The following SCAPER variants were observed in gnomAD, a reference collection of about 807,000 sequenced individuals.
The protein encoded by SCAPER is S-phase cyclin A associated protein in the ER.
In SCAPER, 98 loss-of-function variants were observed where a neutral mutation model predicts 182.2. The ratio of observed to expected loss-of-function variants is 0.54; its 90% confidence interval spans 0.46 to 0.64. SCAPER has a LOEUF of 0.64. Among genes scored for constraint, SCAPER ranks in the 30% least tolerant of loss-of-function variants. The pLI, the probability that SCAPER is intolerant of heterozygous loss-of-function variation, is 0.00. For missense variants in SCAPER, 1,432 were observed against 1,690.0 expected (o/e 0.85, Z 2.68); for synonymous variants, 605 against 564.6 (o/e 1.07, Z -1.01).
At chr15:76,638,688 C>T (rs1364366103) in intron 21 of SCAPER, among the ~76,000 whole-genome samples, 1 of 151,982 alleles carries the variant, frequency 6.6e-6, no homozygotes, top group Non-Finnish European at 1.5e-5. Flanking sequence ...TCTTATGTTC[C>T]AATAAATACA....
intron 20 of SCAPER, 150 bp from the exon 21 acceptor site, chr15:76,665,939 G>A (rs906945014): frequency 7.3e-6 from 5 of 688,818 alleles, no homozygotes; most frequent in Admixed American, 7.2e-5. Context: ...TATGGAAAAC[G>A]TTGAAGAAAC....
Position 76,816,418 on chromosome 15 carries a change from G to C in SCAPER, c.394-11785C>G, listed in dbSNP as rs575786778. Among the ~76,000 whole-genome samples the C allele has an allele frequency of 5.9e-5, 9 of 151,702 alleles. No homozygotes were observed. In the East Asian group the frequency reaches 1.6e-3, roughly 26 times the overall value. On this transcript the variant is annotated intron_variant, in intron 5 of 31. Coordinates refer to ENST00000563290, the MANE Select transcript of SCAPER (RefSeq NM_020843.4). ...AGACACGAACACACACATTAGCCTA[G>C]GCCTACCCAGGATCAGGATCTTCCA... is the stretch of plus-strand genomic sequence containing the variant.
rs754216350 is a variant in SCAPER, at chr15:76,857,790, A to T, written c.195+19T>A. The stretch of plus-strand genomic sequence containing the variant: ...TTGAAATTAAAAGTAAATAAGTAAA[A>T]AAGTTATAGATGCTGTACCTGTTTA... On this transcript the variant is annotated intron_variant, in intron 4 of 31. Coordinates refer to ENST00000563290, the MANE Select transcript of SCAPER (RefSeq NM_020843.4). 2 of 1,445,082 alleles carry T rather than the reference A, an allele frequency of 1.4e-6. No homozygotes were observed. Among genetic ancestry groups the T allele is most frequent in the Non-Finnish European group, 9.3e-7 (1 of 1,079,890 alleles). 89.5% of individuals were successfully genotyped at this position (1,445,082 alleles called of 1,614,324 possible). A position where few individuals can be genotyped will look rare whatever the true frequency, so the allele number is the denominator to read the frequency against.
chr15:76,767,142 GTAATCA>G, intron 10 of SCAPER, 54 bp from the exon 11 acceptor site: 11 of 1,442,596 alleles, frequency 7.6e-6, no homozygotes, highest in Non-Finnish European at 1.0e-5. Flanking sequence ...TGACTGGAAA[GTAATCA>G]TTTTTTATGT....
intron 23 of SCAPER, among the ~76,000 whole-genome samples, chr15:76,530,266 C>A (rs2043544176): frequency 6.6e-6 from 1 of 152,170 alleles, no homozygotes; most frequent in African/African-American, 2.4e-5. Flanking sequence ...ATAAAATATT[C>A]ATCCATCAAC....
intron 21 of SCAPER, among the ~76,000 whole-genome samples, chr15:76,663,715 T>C (rs2056364941): frequency 6.6e-6 from 1 of 152,124 alleles, no homozygotes; most frequent in South Asian, 2.1e-4. Flanking sequence ...GGTGGGAGAC[T>C]GACTGCAAAG....
chr15:76,722,986 G>C (rs975430410), intron 17 of SCAPER, among the ~76,000 whole-genome samples: 2 of 151,994 alleles, frequency 1.3e-5, no homozygotes, highest in African/African-American at 4.8e-5. Flanking sequence ...GAATGTGTTT[G>C]CTCTTGCTTC....
chr15:76,656,114 G>A (rs1207801418), intron 21 of SCAPER, among the ~76,000 whole-genome samples: 1 of 152,132 alleles, frequency 6.6e-6, no homozygotes, highest in African/African-American at 2.4e-5. Context: ...GGAGTGGCAA[G>A]GTGGATGAAG....
intron 26 of SCAPER, among the ~76,000 whole-genome samples, chr15:76,413,294 C>T (rs1328338366): frequency 6.6e-6 from 1 of 152,116 alleles, no homozygotes; most frequent in Non-Finnish European, 1.5e-5. Flanking sequence ...GGTAAACAGT[C>T]TGTGTATTCC....
At chr15:76,622,110 TACTG>T (rs1172826914) in intron 21 of SCAPER, among the ~76,000 whole-genome samples, 1 of 152,196 alleles carries the variant, frequency 6.6e-6, no homozygotes, top group African/African-American at 2.4e-5. Flanking sequence ...TTGTTTTTTA[TACTG>T]ACTAAATACC....
chr15:76,799,799 T>G (rs1598799705), intron 7 of SCAPER, among the ~76,000 whole-genome samples: 1 of 152,150 alleles, frequency 6.6e-6, no homozygotes, highest in East Asian at 1.9e-4. Flanking sequence ...AGGGTGCTTT[T>G]GGGGTCTTTT....
chr15:76,464,141 A>C (rs2049408355), intron 25 of SCAPER, among the ~76,000 whole-genome samples: 1 of 151,510 alleles, frequency 6.6e-6, no homozygotes, highest in African/African-American at 2.4e-5. Flanking sequence ...CACTTGACTG[A>C]AACGCTAAAC....
rs1408873931 is a variant in SCAPER at position 76,652,550 on chromosome 15, CACACACACACAT to C, written c.2645+13091_2645+13102del. On this transcript the variant is annotated intron_variant, in intron 21 of 31. Coordinates refer to ENST00000563290, the MANE Select transcript of SCAPER (RefSeq NM_020843.4). ...ACACACACACACACACACACACACACACACACACACATTAGCCGGGTGTGGTGGCAGGTGCCT... is the reference window on the plus strand; with the variant it reads ...ACACACACACACACACACACACACACTAGCCGGGTGTGGTGGCAGGTGCCT... Among the ~76,000 whole-genome samples, 31 of 144,492 alleles carry C rather than the reference CACACACACACAT, an allele frequency of 2.1e-4. 1 individual carries two copies. The South Asian group carries it at 6.5e-3, about 30-fold the overall frequency. The allele number at this position is 144,492 out of a possible 152,430, so 94.8% of individuals were successfully genotyped here.
intron 17 of SCAPER, among the ~76,000 whole-genome samples, chr15:76,719,802 A>C (rs563749477): frequency 6.6e-6 from 1 of 152,312 alleles, no homozygotes; most frequent in East Asian, 1.9e-4. Flanking sequence ...AAAAAATCCC[A>C]ACTATATATT....
At chr15:76,516,515 C>T (rs755635145) in intron 23 of SCAPER, among the ~76,000 whole-genome samples, 1 of 152,116 alleles carries the variant, frequency 6.6e-6, no homozygotes, top group Non-Finnish European at 1.5e-5. Flanking sequence ...TTTCCAGCTT[C>T]ATCCATGTCT....
intron 18 of SCAPER, among the ~76,000 whole-genome samples, chr15:76,704,623 C>T (rs2059145458): frequency 6.6e-6 from 1 of 152,010 alleles, no homozygotes; most frequent in East Asian, 1.9e-4. Context: ...TGTCAAAGAT[C>T]AGATAGTTTC....
intron 15 of SCAPER, among the ~76,000 whole-genome samples, chr15:76,735,889 CT>C (rs1163063473): frequency 1.3e-5 from 2 of 152,164 alleles, no homozygotes; most frequent in African/African-American, 4.8e-5. Flanking sequence ...TCCAAGACCC[CT>C]GGTGGATGCC....
chr15:76,891,147 C>A (rs901135800), intron 1 of SCAPER, among the ~76,000 whole-genome samples: 9 of 152,120 alleles, frequency 5.9e-5, no homozygotes, highest in Non-Finnish European at 1.2e-4. Flanking sequence ...TATCAATAAA[C>A]TAGGTATTGA....
At chr15:76,438,113 T>A (rs2047314871) in intron 25 of SCAPER, among the ~76,000 whole-genome samples, 1 of 151,772 alleles carries the variant, frequency 6.6e-6, no homozygotes, top group Non-Finnish European at 1.5e-5. Flanking sequence ...AAACCCTGTA[T>A]CTACTAAAAA....
Sources: gnomAD v4.1 joint callset for allele counts (sites outside exome capture counted in the v4.1 genomes callset) on GRCh38, gnomAD v4.1.1 for gene constraint, MANE v1.5 for transcripts, NCBI Gene and HGNC (gene_info 2026-07-23, HGNC 2026-07-21) for gene names.